Variants in ARHGAP26 observed in about 807,000 individuals in gnomAD.
The protein encoded by ARHGAP26 is Rho GTPase activating protein 26, also known as rho GTPase-activating protein 26.
In ARHGAP26, 38 loss-of-function variants were observed where a neutral mutation model predicts 104.8. That is an observed-to-expected ratio of 0.36 (90% CI 0.28 to 0.48). The LOEUF is 0.48. ARHGAP26 is among the 20% of genes least tolerant of loss of function. ARHGAP26 has a pLI of 0.99. For missense variants in ARHGAP26, 704 were observed against 947.9 expected (o/e 0.74, Z 3.38); for synonymous variants, 341 against 340.0 (o/e 1.00, Z -0.03).
At chr5:142,998,909 G>C (rs888434327) in intron 11 of ARHGAP26, among the ~76,000 whole-genome samples, 1 of 152,046 alleles carries the variant, frequency 6.6e-6, no homozygotes, top group Non-Finnish European at 1.5e-5. Context: ...ACATTTGCAG[G>C]ACCTTATTCC....
At chr5:143,104,610 G>A (rs910087081) in intron 17 of ARHGAP26, among the ~76,000 whole-genome samples, 1 of 152,094 alleles carries the variant, frequency 6.6e-6, no homozygotes, top group African/African-American at 2.4e-5. Context: ...ACATATTTGT[G>A]TACATAGAGA....
intron 1 of ARHGAP26, among the ~76,000 whole-genome samples, chr5:142,833,092 G>C (rs1768825692): frequency 6.6e-6 from 1 of 151,680 alleles, no homozygotes; most frequent in African/African-American, 2.4e-5. Context: ...TTTCACTTTT[G>C]TTGCCCAGGC....
chr5:142,800,369 C>CTTT (rs200656496), intron 1 of ARHGAP26, among the ~76,000 whole-genome samples: 168 of 142,082 alleles, frequency 1.2e-3, no homozygotes, highest in African/African-American at 4.1e-3. Context: ...TTTTCTTTGT[C>CTTT]TTTTTTTTTT....
intron 1 of ARHGAP26, among the ~76,000 whole-genome samples, chr5:142,812,053 G>GT (rs553338642): frequency 6.6e-6 from 1 of 152,034 alleles, no homozygotes; most frequent in South Asian, 2.1e-4. Context: ...CCTGGATGAC[G>GT]TTTTTTGGAA....
At chr5:143,158,841 C>G (rs1423858295) in intron 20 of ARHGAP26, among the ~76,000 whole-genome samples, 1 of 152,102 alleles carries the variant, frequency 6.6e-6, no homozygotes, top group African/African-American at 2.4e-5. Flanking sequence ...CAGGAGAAGC[C>G]TTGTCTTCAG....
At chr5:143,132,091 T>C (rs1253598787) in intron 18 of ARHGAP26, among the ~76,000 whole-genome samples, 1 of 152,054 alleles carries the variant, frequency 6.6e-6, no homozygotes, top group African/African-American at 2.4e-5. Context: ...GTGTAGTGAT[T>C]CAGTTTATCT....
chr5:142,817,180 A>G (rs529618369), intron 1 of ARHGAP26, among the ~76,000 whole-genome samples: 2 of 152,316 alleles, frequency 1.3e-5, no homozygotes, highest in South Asian at 2.1e-4. Context: ...CCCCAGTGCC[A>G]GAAATCAGGA....
intron 22 of ARHGAP26, 33 bp downstream of exon 22, chr5:143,214,121 C>T (rs776707186): frequency 6.8e-5 from 43 of 635,222 alleles, no homozygotes; most frequent in Admixed American, 6.3e-4. Flanking sequence ...AAGATATGGG[C>T]GGGGGGCGGG....
At chr5:143,059,932 T>C (rs1332460971) in intron 17 of ARHGAP26, among the ~76,000 whole-genome samples, 4 of 152,206 alleles carry the variant, frequency 2.6e-5, no homozygotes, top group Non-Finnish European at 5.9e-5. Flanking sequence ...ATTTAAAATG[T>C]CCCTGTGGAG....
At position 143,012,577 on chromosome 5, in the gene ARHGAP26, T is replaced by TATATATATATATATAAA. The variant is rs1554195775; in HGVS notation, c.1108-1501_1108-1500insATATATATATATAAAAT. Among the ~76,000 whole-genome samples the TATATATATATATATAAA allele has an allele frequency of 2.1e-4, 4 of 19,086 alleles. No homozygotes were observed. The East Asian group carries it at 2.3e-3, about 11-fold the overall frequency. 12.5% of individuals were successfully genotyped at this position (19,086 alleles called of 152,430 possible). ...CATATATATATATATATATATATAT[T>TATATATATATATATAAA]ATGATCAGGTTCACCTTATGCCTTT... On this transcript the variant is annotated intron_variant, in intron 11 of 22. Coordinates refer to ENST00000645722, the MANE Select transcript of ARHGAP26 (RefSeq NM_001135608.3).
chr5:143,081,875 G>T (rs572011068), intron 17 of ARHGAP26, among the ~76,000 whole-genome samples: 1 of 152,106 alleles, frequency 6.6e-6, no homozygotes, highest in Admixed American at 6.5e-5. Flanking sequence ...TTAGCCGGGC[G>T]TGGTGGTGGG....
At chr5:143,181,223 C>G (rs943136241) in intron 20 of ARHGAP26, among the ~76,000 whole-genome samples, 2 of 152,206 alleles carry the variant, frequency 1.3e-5, no homozygotes, top group Non-Finnish European at 2.9e-5. Context: ...TCTTTGATGG[C>G]CCCATGGATA....
intron 11 of ARHGAP26, among the ~76,000 whole-genome samples, chr5:142,944,161 A>G (rs1766777376): frequency 6.6e-6 from 1 of 152,156 alleles, no homozygotes; most frequent in Non-Finnish European, 1.5e-5. Context: ...GTGTAGTGTG[A>G]TTCCCTCCAG....
intron 1 of ARHGAP26, among the ~76,000 whole-genome samples, chr5:142,816,887 G>A (rs1471902139): frequency 6.6e-6 from 1 of 152,132 alleles, no homozygotes; most frequent in Non-Finnish European, 1.5e-5. Context: ...GGAGTGTGGA[G>A]GCAGGAGCAG....
chr5:143,185,963 G>A (rs1805072748), intron 20 of ARHGAP26, among the ~76,000 whole-genome samples: 1 of 152,154 alleles, frequency 6.6e-6, no homozygotes, highest in African/African-American at 2.4e-5. Context: ...CCTATTTAAA[G>A]AGCCAGGATT....
In ARHGAP26 at chr5:143,054,421, G is replaced by A. The variant is rs374896110; in HGVS notation, c.1286-18G>A. The A allele has an allele frequency of 1.3e-5, 20 of 1,586,020 alleles. No individual in the cohort carries two copies. Among genetic ancestry groups the A allele is most frequent in the Non-Finnish European group, 1.6e-5 (19 of 1,161,010 alleles). ...CATTTTATGCTGTGCTTTATGTATT[G>A]TCTTTTCTTCATTTTAGACCCCAAG... On this transcript the variant is annotated intron_variant, in intron 14 of 22. Transcript: ENST00000645722.
chr5:143,041,975 C>T, intron 14 of ARHGAP26, 85 bp downstream of exon 14: 1 of 1,199,130 alleles, frequency 8.3e-7, no homozygotes, highest in Non-Finnish European at 1.2e-6. Flanking sequence ...GTAGATACAG[C>T]CTGTGGCAAA....
chr5:142,938,429 A>G (rs1307481122), intron 11 of ARHGAP26, among the ~76,000 whole-genome samples: 1 of 152,204 alleles, frequency 6.6e-6, no homozygotes, highest in Non-Finnish European at 1.5e-5. Context: ...ATGACTTTTC[A>G]TATTAAATTG....
intron 20 of ARHGAP26, among the ~76,000 whole-genome samples, chr5:143,199,226 A>AT (rs561217306): frequency 1.3e-5 from 2 of 152,188 alleles, no homozygotes; most frequent in African/African-American, 4.8e-5. Context: ...GGACTTGTGG[A>AT]TTTTTTCTGC....
Sources: gnomAD v4.1 joint callset for allele counts (sites outside exome capture counted in the v4.1 genomes callset) on GRCh38, gnomAD v4.1.1 for gene constraint, MANE v1.5 for transcripts, NCBI Gene and HGNC (gene_info 2026-07-23, HGNC 2026-07-21) for gene names.